Variants in ARFGEF1 observed in about 807,000 individuals in gnomAD.
ARFGEF1 encodes brefeldin A-inhibited guanine nucleotide-exchange protein 1.
In ARFGEF1, 42 loss-of-function variants were observed where a neutral mutation model predicts 231.0. The ratio of observed to expected loss-of-function variants is 0.18; its 90% CI spans 0.14 to 0.24. The LOEUF (loss-of-function observed/expected upper bound fraction) is 0.24. Among genes scored for constraint, ARFGEF1 ranks in the 10% least tolerant of loss-of-function variants. The probability of loss-of-function intolerance (pLI) is 1.00; values close to 1 mark genes in which losing one functional copy is unlikely to be tolerated. For synonymous variants in ARFGEF1, 710 were observed against 732.3 expected, an observed-to-expected ratio of 0.97 and a Z score of 0.49; for missense variants, 1,345 against 2,192.0, an observed-to-expected ratio of 0.61 and a Z score of 7.72.
At chr8:67,206,016 G>C (rs1403179427) in intron 34 of ARFGEF1, among the ~76,000 whole-genome samples, 1 of 152,166 alleles carries the variant, frequency 6.6e-6, no homozygotes, top group African/African-American at 2.4e-5. Flanking sequence ...CAATACTGTG[G>C]TTTGGCCACA....
intron 18 of ARFGEF1, 115 bp from the exon 19 acceptor site, chr8:67,251,565 A>G (rs1268648431): frequency 9.9e-7 from 1 of 1,013,336 alleles, no homozygotes; most frequent in East Asian, 2.8e-5. Context: ...CCTAAGAAGC[A>G]AGACACAAGA....
chr8:67,224,764 A>T lies in ARFGEF1; in HGVS notation c.4208+139T>A, dbSNP rs1839315426. Reference sequence around the variant, plus strand: ...TTTAAATCATATTAACATATTTTAAAATATACCTAATAATTAATATATTTG... The same window carrying T: ...TTTAAATCATATTAACATATTTTAATATATACCTAATAATTAATATATTTG... On this transcript the variant is annotated intron_variant, in intron 29 of 38. Transcript: ENST00000262215. 8.5e-6 allele frequency: 4 copies of T among 471,050 alleles called. No homozygotes were observed. The South Asian group carries it at 3.4e-4, about 40-fold the overall frequency. 29.2% of individuals were successfully genotyped at this position (471,050 alleles called of 1,614,324 possible). A position where few individuals can be genotyped will look rare whatever the true frequency, so the allele number is the denominator to read the frequency against.
intron 4 of ARFGEF1, 103 bp downstream of exon 4, chr8:67,299,106 G>A: frequency 8.9e-7 from 1 of 1,124,694 alleles, no homozygotes; most frequent in Non-Finnish European, 1.2e-6. Flanking sequence ...TATTATAGCT[G>A]GAATGCACAT....
intron 19 of ARFGEF1, among the ~76,000 whole-genome samples, chr8:67,241,253 C>T (rs192380649): frequency 2.3e-4 from 35 of 152,240 alleles, no homozygotes; most frequent in African/African-American, 5.3e-4. Flanking sequence ...GTCTCAGCTC[C>T]GCCACTTATT....
chr8:67,190,528 T>C (rs570841430), intron 5 of ARFGEF1: 1 of 705,754 alleles, frequency 1.4e-6, no homozygotes, highest in East Asian at 2.5e-5. Context: ...TGTATGTACA[T>C]ACATTGAGTG....
chr8:67,267,587 C>A, intron 10 of ARFGEF1, 145 bp from the exon 11 acceptor site: 3 of 580,802 alleles, frequency 5.2e-6, no homozygotes. Context: ...ATCTCTGAAT[C>A]CTCAGGACTA....
At position 67,214,071 on chromosome 8, in the gene ARFGEF1, C is replaced by T. The variant is rs1249678652; in HGVS notation, c.4687-2456G>A. 2.0e-5 allele frequency among the ~76,000 whole-genome samples: 3 copies of T among 152,060 alleles called. No individual in the cohort carries two copies. In the East Asian group the frequency reaches 5.8e-4, roughly 29 times the overall value. On this transcript the variant is annotated intron_variant, in intron 33 of 38. Coordinates refer to ENST00000262215, the MANE Select transcript of ARFGEF1 (RefSeq NM_006421.5). ...CATGATAGGGAAACACCTACATTGCCCTGAAGAGACTGTTGGTAGAAATAT... is the reference window on the plus strand; with the variant it reads ...CATGATAGGGAAACACCTACATTGCTCTGAAGAGACTGTTGGTAGAAATAT...
chr8:67,289,168 C>T (rs1281732234), intron 6 of ARFGEF1, among the ~76,000 whole-genome samples: 1 of 151,922 alleles, frequency 6.6e-6, no homozygotes, highest in Non-Finnish European at 1.5e-5. Flanking sequence ...AAAATGCTGT[C>T]TTGAGCTACC....
chr8:67,198,751 C>G lies in ARFGEF1; in HGVS notation c.*183G>C, dbSNP rs1838203158. 7.2e-7 allele frequency: 1 copy of G among 1,386,008 alleles called. No homozygotes were observed. Among genetic ancestry groups the G allele is most frequent in the Non-Finnish European group, 9.3e-7 (1 of 1,073,924 alleles). 85.9% of individuals were successfully genotyped at this position (1,386,008 alleles called of 1,614,324 possible). ...CTCAACATGAGGCCAATATAACACA[C>G]AAAATCCACCAGCACTAAAAGGGAC... On this transcript the variant is annotated 3_prime_UTR_variant, in exon 39 of 39. Coordinates refer to ENST00000262215, the MANE Select transcript of ARFGEF1 (RefSeq NM_006421.5).
chr8:67,312,120 G>A (rs1186459692), intron 1 of ARFGEF1, among the ~76,000 whole-genome samples: 1 of 151,824 alleles, frequency 6.6e-6, no homozygotes, highest in Non-Finnish European at 1.5e-5. Flanking sequence ...TGTTTCCTCT[G>A]CCTAGGAAAA....
At chr8:67,210,372 C>T (rs542765613) in intron 34 of ARFGEF1, among the ~76,000 whole-genome samples, 3 of 151,342 alleles carry the variant, frequency 2.0e-5, no homozygotes, top group Admixed American at 6.6e-5. Context: ...CCCAGCTACT[C>T]GGGAGGCTAA....
intron 36 of ARFGEF1, 38 bp from the exon 37 acceptor site, chr8:67,201,643 G>A: frequency 8.7e-6 from 14 of 1,611,452 alleles, no homozygotes; most frequent in Non-Finnish European, 1.2e-5. Context: ...AGTTTGGGAA[G>A]GCATCTTATG....
chr8:67,315,354 A>C (rs1807263418), intron 1 of ARFGEF1, among the ~76,000 whole-genome samples: 1 of 152,104 alleles, frequency 6.6e-6, no homozygotes, highest in African/African-American at 2.4e-5. Context: ...ACTACTAGAC[A>C]AAAAAAATCA....
rs1376918709 is a variant in ARFGEF1 at position 67,175,771 on chromosome 8, G to C, written c.561-199C>G. 2.6e-5 allele frequency among the ~76,000 whole-genome samples: 4 copies of C among 152,238 alleles called. No homozygotes were observed. The East Asian group carries it at 7.7e-4, about 29-fold the overall frequency. On this transcript the variant is annotated intron_variant, in intron 5 of 5. Coordinates refer to the ARFGEF1 transcript ENST00000518789. ...GGCAGACATATCAGTGCCCTGTCAT[G>C]ATGTGTCGGGCATTTGCCTACTGTG...
intron 14 of ARFGEF1, among the ~76,000 whole-genome samples, chr8:67,265,672 A>C (rs977369389): frequency 6.6e-6 from 1 of 152,214 alleles, no homozygotes; most frequent in Non-Finnish European, 1.5e-5. Context: ...TAGAAGTTTC[A>C]TATTTTAAAT....
intron 34 of ARFGEF1, 111 bp downstream of exon 34, chr8:67,211,372 A>G: frequency 2.0e-6 from 1 of 491,308 alleles, no homozygotes; most frequent in Non-Finnish European, 3.2e-6. Flanking sequence ...AAAAGAAGTG[A>G]TGACACAATC....
chr8:67,306,478 C>T (rs1378999840), intron 1 of ARFGEF1, among the ~76,000 whole-genome samples: 5 of 151,970 alleles, frequency 3.3e-5, no homozygotes, highest in Non-Finnish European at 7.4e-5. Context: ...TGAGTATATG[C>T]GAGTTATACC....
chr8:67,326,175 T>C (rs1807823608), intron 1 of ARFGEF1, among the ~76,000 whole-genome samples: 2 of 152,136 alleles, frequency 1.3e-5, no homozygotes, highest in South Asian at 4.1e-4. Context: ...TCTAGCCTGG[T>C]TGACAGAGTG....
In ARFGEF1 at chr8:67,187,778, T is replaced by C. The variant is rs556510196; in HGVS notation, c.561-12206A>G. On this transcript the variant is annotated intron_variant, in intron 5 of 5. Transcript: ENST00000518789. ...TGACAAAGGACCAAAGGCAGTATTA[T>C]GATGGAGAAAAGATAGTCTTCTCTA... Among the ~76,000 whole-genome samples the C allele has an allele frequency of 4.6e-5, 7 of 152,356 alleles. No homozygotes were observed. The South Asian group carries it at 1.4e-3, about 32-fold the overall frequency.
Sources: allele counts gnomAD v4.1 joint callset (sites outside exome capture counted in the v4.1 genomes callset), GRCh38; gene constraint gnomAD v4.1.1; transcripts MANE v1.5; gene names NCBI Gene and HGNC (gene_info 2026-07-23, HGNC 2026-07-21).